Variants in PCNT observed in about 807,000 individuals in gnomAD.
PCNT encodes pericentrin.
A neutral mutation model predicts 380.4 loss-of-function variants in PCNT; 319 were observed. The ratio of observed to expected loss-of-function variants is 0.84; its 90% CI spans 0.77 to 0.92. The LOEUF (loss-of-function observed/expected upper bound fraction) is 0.92. PCNT is among the 40% of genes least tolerant of loss of function. The pLI is 0.00. For synonymous variants in PCNT, 1,845 were observed against 1,735.2 expected (o/e 1.06, Z -1.57); for missense variants, 4,400 against 4,255.3 (o/e 1.03, Z -0.95).
At chr21:46,422,207 G>A in intron 32 of PCNT, 83 bp downstream of exon 32, 2 of 1,525,286 alleles carry the variant, frequency 1.3e-6, no homozygotes, top group South Asian at 1.2e-5. Context: ...GCCTTGCCGG[G>A]GAGAGCCTTG....
intron 15 of PCNT, among the ~76,000 whole-genome samples, chr21:46,372,075 C>G (rs1162113651): frequency 4.0e-5 from 6 of 151,012 alleles, no homozygotes; most frequent in African/African-American, 7.3e-5. Flanking sequence ...CACATGCACA[C>G]AGCACATGCG....
At chr21:46,338,364 C>T (rs763604124) in intron 3 of PCNT, among the ~76,000 whole-genome samples, 1 of 152,168 alleles carries the variant, frequency 6.6e-6, no homozygotes, top group African/African-American at 2.4e-5. Context: ...ATGGTTTTGC[C>T]TTTTCCAGAA....
chr21:46,403,704 T>G (rs1377998590), intron 27 of PCNT, among the ~76,000 whole-genome samples: 19 of 137,864 alleles, frequency 1.4e-4, no homozygotes, highest in Non-Finnish European at 1.5e-5. Flanking sequence ...CGGCACGTGC[T>G]TGGTGAATGA....
chr21:46,407,434 C>T (rs774326726), intron 27 of PCNT, among the ~76,000 whole-genome samples: 9 of 151,146 alleles, frequency 6.0e-5, no homozygotes, highest in Admixed American at 3.3e-4. Context: ...CTCCGCCTCC[C>T]GGGTTCAAGT....
chr21:46,326,080 A>C (rs2083386310), intron 1 of PCNT, among the ~76,000 whole-genome samples: 1 of 152,190 alleles, frequency 6.6e-6, no homozygotes, highest in South Asian at 2.1e-4. Flanking sequence ...CTTTTATACA[A>C]ATTTTTTTTA....
intron 16 of PCNT, among the ~76,000 whole-genome samples, chr21:46,385,471 C>T (rs1025425895): frequency 1.3e-5 from 2 of 152,236 alleles, no homozygotes; most frequent in Non-Finnish European, 2.9e-5. Flanking sequence ...CCCTTCCCTC[C>T]CCTAGCCTCA....
In PCNT at chr21:46,334,548, C is replaced by G; in HGVS notation, c.419C>G (p.Pro140Arg). 1 of 1,599,660 alleles carries G rather than the reference C, an allele frequency of 6.3e-7. No individual in the cohort carries two copies. Among genetic ancestry groups the G allele is most frequent in the Non-Finnish European group, 8.5e-7 (1 of 1,169,884 alleles). Residue 140 changes from proline to arginine, a missense_variant, in exon 3 of 47, where the codon CCA becomes CGA. Pro to Arg is a moderately radical substitution (Grantham distance 103). Coordinates refer to ENST00000359568, the MANE Select transcript of PCNT (RefSeq NM_006031.6). The stretch of plus-strand genomic sequence containing the variant: ...ATGTTCACAGTCGGTGACCACCCAC[C>G]AGAACAGCGTGGGATGTTCACAGTC... ...HGMFTVGDHP[P>R]EQRGMFTVSD...
rs375738301 is a variant in PCNT at position 46,430,542 on chromosome 21, C to T, written c.7949C>T (p.Ala2650Val). 4 of 1,554,656 alleles carry T rather than the reference C, an allele frequency of 2.6e-6. No homozygotes were observed. Among genetic ancestry groups the T allele is most frequent in the Admixed American group, 1.9e-5 (1 of 51,518 alleles). Residue 2650 changes from alanine (A) to valine (V), a missense_variant, in exon 37 of 47, where the codon GCC (alanine) becomes GTC (valine). Ala to Val is a moderately conservative substitution (Grantham distance 64). Coordinates refer to ENST00000359568, the MANE Select transcript of PCNT (RefSeq NM_006031.6). ...AGCAGTAAGGAGAACGAGCTGAAGG[C>T]CGCGCTTCAGGAGCTGGAGAGTGAG... is the stretch of plus-strand genomic sequence containing the variant. The part of the protein sequence containing the change: ...MLSSKENELK[A>V]ALQELESEQG...
intron 40 of PCNT, 74 bp from the exon 41 acceptor site, chr21:46,438,090 G>A (rs768588864): frequency 1.7e-5 from 20 of 1,210,248 alleles, no homozygotes; most frequent in Non-Finnish European, 2.4e-5. Flanking sequence ...AAAAATAACT[G>A]TTGACAAAAA....
At chr21:46,390,892 C>T in intron 20 of PCNT, 60 bp downstream of exon 20, 2 of 1,549,964 alleles carry the variant, frequency 1.3e-6, no homozygotes, top group African/African-American at 1.4e-5. Context: ...GGCCTGGCCT[C>T]ACTGAGGGAA....
intron 32 of PCNT, among the ~76,000 whole-genome samples, chr21:46,423,913 T>C (rs543437926): frequency 9.2e-5 from 14 of 152,140 alleles, no homozygotes; most frequent in African/African-American, 3.1e-4. Context: ...CCAAGTCCAG[T>C]TGAAAATCAC....
In PCNT at chr21:46,431,776, T is replaced by A; in HGVS notation, c.8312T>A (p.Leu2771Gln). ...LRHERLLTEQ[L>Q]SQRTQEACVH... is the part of the protein sequence containing the mutation. Reference sequence around the variant, plus strand: ...CACGAGCGGCTCCTGACCGAGCAGCTGAGCCAGAGGACACAGGAGGCTTGC... The same window carrying A: ...CACGAGCGGCTCCTGACCGAGCAGCAGAGCCAGAGGACACAGGAGGCTTGC... Residue 2771 changes from leucine (L) to glutamine (Q), a missense_variant, in exon 38 of 47, where the codon CTG becomes CAG. Coordinates refer to ENST00000359568, the MANE Select transcript of PCNT (RefSeq NM_006031.6). 1.2e-6 allele frequency: 2 copies of A among 1,613,176 alleles called. No individual in the cohort carries two copies. The highest frequency in any genetic ancestry group is 1.7e-6 in the Non-Finnish European group (2 of 1,180,012).
chr21:46,412,848 G>A lies in PCNT; in HGVS notation c.6006G>A (p.Gln2002=). 6.2e-7 allele frequency: 1 copy of A among 1,611,926 alleles called. No homozygotes were observed. Among genetic ancestry groups the A allele is most frequent in the Non-Finnish European group, 8.5e-7 (1 of 1,180,034 alleles). ...TCTCCTCTGTCAAGGGTGATCTGCA[G>A]CCTGTCCTGGTGACGTTGAAGGATG... The part of the protein sequence containing the change: ...PVVPDPQGDL[Q]PVLVTLKDAP... Residue 2002 remains glutamine, a synonymous_variant, in exon 29 of 47, where the codon CAG becomes CAA. Transcript: ENST00000359568.
chr21:46,384,190 T>G (rs2085726433), intron 16 of PCNT, among the ~76,000 whole-genome samples: 1 of 143,360 alleles, frequency 7.0e-6, no homozygotes, highest in Non-Finnish European at 1.5e-5. Flanking sequence ...ATTCACGGTG[T>G]TGTGCGTTCA....
chr21:46,426,041 A>AG lies in PCNT; in HGVS notation c.7320+73dup, dbSNP rs546824433. On this transcript the variant is annotated intron_variant, in intron 33 of 46. Coordinates refer to ENST00000359568, the MANE Select transcript of PCNT (RefSeq NM_006031.6). ...AGCTTGTGGTAATGGCCGCGTCCTT[A>AG]GGGCCACGTGGACACTAGGATTTCT... The AG allele has an allele frequency of 3.3e-5, 32 of 960,066 alleles. No individual in the cohort carries two copies. The African/African-American group carries it at 4.4e-4, about 13-fold the overall frequency. 59.5% of individuals were successfully genotyped at this position (960,066 alleles called of 1,614,324 possible).
At chr21:46,390,598 G>A (rs547526270) in intron 19 of PCNT, 72 bp from the exon 20 acceptor site, 53 of 1,540,256 alleles carry the variant, frequency 3.4e-5, no homozygotes, top group Middle Eastern at 1.8e-4. Flanking sequence ...TAGAAGTGGC[G>A]TTCTCTTGGT....
chr21:46,412,729 TG>T, intron 28 of PCNT, 107 bp from the exon 29 acceptor site: 1 of 1,167,430 alleles, frequency 8.6e-7, no homozygotes, highest in Non-Finnish European at 1.3e-6. Flanking sequence ...CACCTCCCTC[TG>T]GCATCCCTGC....
At chr21:46,356,390 A>G (rs376582576) in intron 12 of PCNT, among the ~76,000 whole-genome samples, 10 of 152,208 alleles carry the variant, frequency 6.6e-5, no homozygotes, top group Non-Finnish European at 1.5e-4. Context: ...CTGCACCACA[A>G]TTGTCCCCAC....
intron 45 of PCNT, 79 bp from the exon 46 acceptor site, chr21:46,444,615 A>G (rs1475049117): frequency 3.9e-6 from 6 of 1,528,808 alleles, no homozygotes; most frequent in Non-Finnish European, 5.4e-6. Flanking sequence ...TTCTGCACTC[A>G]GTCACCATGG....
Sources: allele counts gnomAD v4.1 joint callset (sites outside exome capture counted in the v4.1 genomes callset), GRCh38; gene constraint gnomAD v4.1.1; transcripts MANE v1.5; gene names NCBI Gene and HGNC (gene_info 2026-07-23, HGNC 2026-07-21).